Variants in ZNF644 observed in about 807,000 individuals in gnomAD.
ZNF644 encodes zinc finger protein 644, also known as zinc finger motif enhancer binding protein 2.
Under a neutral mutation model 108.0 loss-of-function variants are expected in ZNF644, and 20 were observed. The observed-to-expected ratio is 0.19, with a 90% CI of 0.13 to 0.27. The LOEUF is 0.27. Among genes scored for constraint, ZNF644 ranks in the 10% least tolerant of loss-of-function variants. ZNF644 has a pLI of 1.00. For missense variants in ZNF644, 1,338 were observed against 1,548.9 expected, an observed-to-expected ratio of 0.86 and a Z score of 2.29; for synonymous variants, 542 against 539.1, an observed-to-expected ratio of 1.01 and a Z score of -0.08.
chr1:91,008,775 A>G (rs890276058), intron 1 of ZNF644, among the ~76,000 whole-genome samples: 1 of 152,236 alleles, frequency 6.6e-6, no homozygotes, highest in African/African-American at 2.4e-5. Context: ...AAACCTCACT[A>G]TTAACGTCTT....
intron 2 of ZNF644, among the ~76,000 whole-genome samples, chr1:90,941,594 A>C (rs1278663638): frequency 6.6e-6 from 1 of 152,198 alleles, no homozygotes; most frequent in East Asian, 1.9e-4. Context: ...AGGGAAAAGC[A>C]GCATACACAC....
At chr1:90,980,081 G>A (rs1212113287) in intron 2 of ZNF644, among the ~76,000 whole-genome samples, 2 of 151,996 alleles carry the variant, frequency 1.3e-5, no homozygotes, top group Non-Finnish European at 2.9e-5. Context: ...ATTTGCCTGG[G>A]AGAACTCTTT....
Position 90,916,702 on chromosome 1 carries a change from T to C in ZNF644, c.*96A>G, listed in dbSNP as rs776940922. On this transcript the variant is annotated 3_prime_UTR_variant, in exon 6 of 6. Transcript: ENST00000337393. The stretch of plus-strand genomic sequence containing the variant: ...TTCACTTTCCCCCCATTTTCCTGCT[T>C]TAGTATTTATAAACAGATAATTTAA... 2.3e-5 allele frequency: 32 copies of C among 1,376,206 alleles called. No individual in the cohort carries two copies. The highest frequency in any genetic ancestry group is 3.2e-5 in the Non-Finnish European group (31 of 981,588). The allele number at this position is 1,376,206 out of a possible 1,614,324, so 85.2% of individuals were successfully genotyped here. A position where few individuals can be genotyped will look rare whatever the true frequency, so the allele number is the denominator to read the frequency against.
chr1:90,974,323 T>C (rs960887823), intron 2 of ZNF644, among the ~76,000 whole-genome samples: 4 of 151,942 alleles, frequency 2.6e-5, no homozygotes, highest in Non-Finnish European at 5.9e-5. Flanking sequence ...AGCAAGACTC[T>C]TGTCTCAAAA....
chr1:91,017,414 C>T (rs1042200495), intron 1 of ZNF644, among the ~76,000 whole-genome samples: 3 of 152,098 alleles, frequency 2.0e-5, no homozygotes, highest in Non-Finnish European at 2.9e-5. Context: ...CTCCCAGAAA[C>T]GCTAATCTTA....
chr1:90,997,352 T>C (rs1658246950), intron 1 of ZNF644, among the ~76,000 whole-genome samples: 1 of 152,008 alleles, frequency 6.6e-6, no homozygotes, highest in African/African-American at 2.4e-5. Context: ...GAAATCTCTG[T>C]CCAATCATTA....
At position 90,939,636 on chromosome 1, in the gene ZNF644, T is replaced by C. The variant is rs1435292004; in HGVS notation, c.1718A>G (p.Lys573Arg). 1 of 1,613,918 alleles carries C rather than the reference T, an allele frequency of 6.2e-7. No individual in the cohort carries two copies. Among genetic ancestry groups the C allele is most frequent in the Non-Finnish European group, 8.5e-7 (1 of 1,179,938 alleles). The change falls in exon 3 of 6, where the codon AAA becomes AGA. Residue 573 changes from lysine (K) to arginine (R), a missense_variant. Coordinates refer to ENST00000337393, the MANE Select transcript of ZNF644 (RefSeq NM_201269.3). Reference sequence around the variant, plus strand: ...TTTGGATGATCCTACTACAGAGTCTTTCATGAAAGTCTTTTTTTGTGTTTT... The same window carrying C: ...TTTGGATGATCCTACTACAGAGTCTCTCATGAAAGTCTTTTTTTGTGTTTT... ...QRKTQKKTFM[K>R]DSVVGSSKKS... is the part of the protein sequence containing the mutation.
At chr1:90,987,624 C>A (rs1425464936) in intron 1 of ZNF644, among the ~76,000 whole-genome samples, 3 of 151,860 alleles carry the variant, frequency 2.0e-5, no homozygotes, top group Admixed American at 6.6e-5. Context: ...TAACACCAAT[C>A]TTCCTCAAAC....
chr1:90,960,422 T>G (rs922683104), intron 2 of ZNF644, among the ~76,000 whole-genome samples: 1 of 152,146 alleles, frequency 6.6e-6, no homozygotes, highest in Non-Finnish European at 1.5e-5. Flanking sequence ...CGTGTCTGAC[T>G]GACAGCAATA....
intron 4 of ZNF644, chr1:90,935,427 A>G: frequency 1.0e-6 from 1 of 985,892 alleles, no homozygotes; most frequent in Non-Finnish European, 1.2e-6. Flanking sequence ...TCAAAAGTCC[A>G]GCACTCTTCT....
At chr1:90,950,516 G>C (rs1048019332) in intron 2 of ZNF644, among the ~76,000 whole-genome samples, 1 of 151,236 alleles carries the variant, frequency 6.6e-6, no homozygotes, top group Non-Finnish European at 1.5e-5. Context: ...TGGTAATGAT[G>C]AATCTTATAC....
At chr1:90,941,489 A>G (rs1407721440) in intron 2 of ZNF644, among the ~76,000 whole-genome samples, 180 bp from the exon 3 acceptor site, 1 of 152,162 alleles carries the variant, frequency 6.6e-6, no homozygotes, top group Non-Finnish European at 1.5e-5. Context: ...AAGCACCTCA[A>G]AGGTTAATAT....
chr1:91,017,951 G>T (rs2100697828), intron 1 of ZNF644, among the ~76,000 whole-genome samples: 1 of 152,252 alleles, frequency 6.6e-6, no homozygotes, highest in African/African-American at 2.4e-5. Flanking sequence ...AACAGACCGA[G>T]ACTCCGTCCC....
At chr1:90,973,732 A>G (rs1431388923) in intron 2 of ZNF644, among the ~76,000 whole-genome samples, 1 of 152,176 alleles carries the variant, frequency 6.6e-6, no homozygotes, top group East Asian at 1.9e-4. Context: ...CCCGTCATCT[A>G]TAGAGGGCAC....
chr1:90,992,551 C>T (rs1657746177), intron 1 of ZNF644, among the ~76,000 whole-genome samples: 1 of 152,190 alleles, frequency 6.6e-6, no homozygotes, highest in Non-Finnish European at 1.5e-5. Context: ...ATCTGGACTA[C>T]TGGACAGATT....
chr1:90,967,782 T>C (rs1570457400), intron 2 of ZNF644, among the ~76,000 whole-genome samples: 1 of 151,612 alleles, frequency 6.6e-6, no homozygotes. Flanking sequence ...GCACGGTGGC[T>C]CACGCCTGTA....
chr1:90,998,413 C>T (rs111949082), intron 1 of ZNF644, among the ~76,000 whole-genome samples: 1,746 of 152,360 alleles, frequency 0.011, 14 homozygotes, highest in South Asian at 0.021. Flanking sequence ...GCAGCCTCCG[C>T]TGCTGATACC....
chr1:90,985,834 T>G (rs539980783), intron 1 of ZNF644, among the ~76,000 whole-genome samples: 1 of 152,296 alleles, frequency 6.6e-6, no homozygotes, highest in Non-Finnish European at 1.5e-5. Flanking sequence ...GGGACTGCTA[T>G]ATCATATGGT....
chr1:90,967,723 T>C (rs1472876454), intron 2 of ZNF644, among the ~76,000 whole-genome samples: 1 of 151,960 alleles, frequency 6.6e-6, no homozygotes, highest in Non-Finnish European at 1.5e-5. Context: ...CTGGGTAGCC[T>C]GCCCCTAGCC....
Sources: gnomAD v4.1 joint callset for allele counts (sites outside exome capture counted in the v4.1 genomes callset) on GRCh38, gnomAD v4.1.1 for gene constraint, MANE v1.5 for transcripts, NCBI Gene and HGNC (gene_info 2026-07-23, HGNC 2026-07-21) for gene names.